Variants in TNS3 observed in about 807,000 individuals in gnomAD.
TNS3 encodes tensin-3.
Under a neutral mutation model 140.9 loss-of-function variants are expected in TNS3, and 45 were observed. The observed-to-expected ratio is 0.32, with a 90% confidence interval of 0.25 to 0.41. The LOEUF is 0.41. Among genes scored for constraint, TNS3 ranks in the 10% least tolerant of loss-of-function variants. The pLI, the probability that TNS3 is intolerant of heterozygous loss-of-function variation, is 1.00. For synonymous variants in TNS3, 815 were observed against 788.4 expected (o/e 1.03, Z -0.56); for missense variants, 1,716 against 1,906.7 (o/e 0.90, Z 1.86).
chr7:47,454,073 AG>A (rs1796143734), intron 4 of TNS3, among the ~76,000 whole-genome samples: 1 of 152,156 alleles, frequency 6.6e-6, no homozygotes, highest in Non-Finnish European at 1.5e-5. Context: ...GGACCAAGGG[AG>A]GGGAGGTGGG....
At chr7:47,535,127 C>G (rs1385771238) in intron 1 of TNS3, among the ~76,000 whole-genome samples, 1 of 152,232 alleles carries the variant, frequency 6.6e-6, no homozygotes, top group South Asian at 2.1e-4. Flanking sequence ...GGCTCTTTCC[C>G]CTTTGTCCTC....
intron 16 of TNS3, among the ~76,000 whole-genome samples, chr7:47,373,982 G>A (rs1425376691): frequency 6.6e-6 from 1 of 152,168 alleles, no homozygotes; most frequent in Non-Finnish European, 1.5e-5. Flanking sequence ...CCCACTCTCT[G>A]GGCCTCTTCC....
Position 47,341,681 on chromosome 7 carries a change from A to C in TNS3, c.2650+3074T>G, listed in dbSNP as rs914675806. Among the ~76,000 whole-genome samples the C allele has an allele frequency of 3.3e-5, 5 of 151,978 alleles. No individual in the cohort carries two copies. The East Asian group carries it at 9.7e-4, about 29-fold the overall frequency. ...ATCTTTTCAAAGAACCACTTCTTTC[A>C]TTTATTTTCTCTATTACTTCTCTGT... On this transcript the variant is annotated intron_variant, in intron 20 of 30. Coordinates refer to ENST00000311160, the MANE Select transcript of TNS3 (RefSeq NM_022748.12).
intron 20 of TNS3, among the ~76,000 whole-genome samples, chr7:47,314,414 C>A (rs1415457989): frequency 6.6e-6 from 1 of 152,198 alleles, no homozygotes; most frequent in African/African-American, 2.4e-5. Context: ...TCTGCACTGT[C>A]CCTGCTGAGC....
intron 22 of TNS3, 46 bp downstream of exon 22, chr7:47,302,904 G>A: frequency 6.5e-7 from 1 of 1,549,268 alleles, no homozygotes; most frequent in Non-Finnish European, 8.7e-7. Context: ...CCCTTCCCCA[G>A]TGAATGGACA....
chr7:47,340,307 C>G (rs7807583), intron 20 of TNS3, among the ~76,000 whole-genome samples: 70,793 of 148,810 alleles, frequency 0.48, 17,490 homozygotes, highest in Middle Eastern at 0.59. Context: ...ATTTTGAGTA[C>G]AGACAGAGTT....
In TNS3 at chr7:47,439,552, A is replaced by T; in HGVS notation, c.85T>A (p.Ser29Thr). The T allele has an allele frequency of 6.2e-7, 1 of 1,613,886 alleles. No individual in the cohort carries two copies. Among genetic ancestry groups the T allele is most frequent in the Non-Finnish European group, 8.5e-7 (1 of 1,179,964 alleles). Residue 29 changes from serine (S) to threonine (T), a missense_variant, in exon 6 of 31, where the codon TCC becomes ACC. Transcript: ENST00000311160. ...VSFPAGCSEE[S>T]YLHNLQEVTR... is the part of the protein sequence containing the mutation. ...ACCTCCTGTAGGTTGTGCAGGTAGGACTCCTCAGAGCAGCCGGCAGGGAAG... is the reference window on the plus strand; with the variant it reads ...ACCTCCTGTAGGTTGTGCAGGTAGGTCTCCTCAGAGCAGCCGGCAGGGAAG...
At chr7:47,448,413 A>G (rs2151618219) in intron 4 of TNS3, among the ~76,000 whole-genome samples, 1 of 151,870 alleles carries the variant, frequency 6.6e-6, no homozygotes, top group South Asian at 2.1e-4. Flanking sequence ...CCCCCACCTG[A>G]CAGGAAGGTT....
chr7:47,473,015 C>G (rs1399156400), intron 4 of TNS3, among the ~76,000 whole-genome samples: 3 of 152,166 alleles, frequency 2.0e-5, no homozygotes, highest in Non-Finnish European at 4.4e-5. Context: ...GCGCATCCAG[C>G]CCTCCCAATC....
chr7:47,549,025 C>T (rs767264528), intron 1 of TNS3, among the ~76,000 whole-genome samples: 1 of 152,158 alleles, frequency 6.6e-6, no homozygotes, highest in Non-Finnish European at 1.5e-5. Context: ...CAAAAAGGCC[C>T]AGTTCCCCGG....
chr7:47,451,866 C>G (rs1049919701), intron 4 of TNS3, among the ~76,000 whole-genome samples: 6 of 152,198 alleles, frequency 3.9e-5, no homozygotes, highest in African/African-American at 1.2e-4. Flanking sequence ...ATTGATTCCT[C>G]CACCACCCAG....
chr7:47,368,331 C>T, intron 17 of TNS3, 34 bp downstream of exon 17: 1 of 1,450,726 alleles, frequency 6.9e-7, no homozygotes, highest in Non-Finnish European at 9.1e-7. Context: ...TGGAGCACCT[C>T]CCGTGGAGCA....
chr7:47,470,227 G>A (rs895531194), intron 4 of TNS3, among the ~76,000 whole-genome samples: 1 of 152,168 alleles, frequency 6.6e-6, no homozygotes, highest in Non-Finnish European at 1.5e-5. Flanking sequence ...GAGAGTGGGA[G>A]AGGGACGTGA....
intron 2 of TNS3, 76 bp from the exon 3 acceptor site, chr7:47,507,020 T>C: frequency 8.4e-7 from 1 of 1,190,906 alleles, no homozygotes; most frequent in East Asian, 5.7e-5. Context: ...TCAAACCCTC[T>C]CAATCCTTCA....
intron 17 of TNS3, among the ~76,000 whole-genome samples, chr7:47,361,271 G>A (rs1488020529): frequency 7.1e-6 from 1 of 139,970 alleles, no homozygotes; most frequent in African/African-American, 2.5e-5. Context: ...TCTGCCCTCA[G>A]GGAAGAGCCA....
In TNS3 at chr7:47,531,326, C is replaced by T. The variant is rs565820543; in HGVS notation, c.-264-2179G>A. On this transcript the variant is annotated intron_variant, in intron 1 of 30. Transcript: ENST00000311160. Reference sequence around the variant, plus strand: ...AAACTTGTCAATCTAGAATCCTGTACCCAATAAAAATAGCTCTTCAAAATA... The same window carrying T: ...AAACTTGTCAATCTAGAATCCTGTATCCAATAAAAATAGCTCTTCAAAATA... Among the ~76,000 whole-genome samples, 27 of 152,056 alleles carry T rather than the reference C, an allele frequency of 1.8e-4. 1 individual carries two copies. In the South Asian group the frequency reaches 5.6e-3, roughly 32 times the overall value.
intron 16 of TNS3, among the ~76,000 whole-genome samples, chr7:47,389,108 GCAGAAGAAGAAGAA>G (rs1792330119): frequency 6.9e-5 from 2 of 29,004 alleles, no homozygotes; most frequent in African/African-American, 3.0e-4. Context: ...GGAAGCGGAA[GCAGAAGAAGAAGAA>G]GAAGAAGAAG....
At chr7:47,466,292 A>G (rs1371887758) in intron 4 of TNS3, among the ~76,000 whole-genome samples, 1 of 151,730 alleles carries the variant, frequency 6.6e-6, no homozygotes, top group Non-Finnish European at 1.5e-5. Context: ...AGCTGGGATT[A>G]CAGACGTGCA....
At chr7:47,475,687 C>T (rs185266494) in intron 4 of TNS3, among the ~76,000 whole-genome samples, 113 of 152,302 alleles carry the variant, frequency 7.4e-4, no homozygotes, top group Middle Eastern at 3.4e-3. Flanking sequence ...GAATCAATCG[C>T]TTGCAGAGTG....
Sources: gnomAD v4.1 joint callset for allele counts (sites outside exome capture counted in the v4.1 genomes callset) on GRCh38, gnomAD v4.1.1 for gene constraint, MANE v1.5 for transcripts, NCBI Gene and HGNC (gene_info 2026-07-23, HGNC 2026-07-21) for gene names.